Variants in LPAR1 observed in about 807,000 individuals in gnomAD.
The protein encoded by LPAR1 is LPA receptor 1.
LPAR1 carries 5 observed loss-of-function variants against 23.8 expected under a neutral mutation model. That is an observed-to-expected ratio of 0.21 (90% CI 0.11 to 0.44). The LOEUF is 0.44. LPAR1 is among the 20% of genes least tolerant of loss of function. LPAR1 has a pLI of 0.99. For synonymous variants in LPAR1, 160 were observed against 164.7 expected, an observed-to-expected ratio of 0.97 and a Z score of 0.22; for missense variants, 311 against 482.8, an observed-to-expected ratio of 0.64 and a Z score of 3.33.
intron 5 of LPAR1, among the ~76,000 whole-genome samples, chr9:110,903,904 A>AAAAT (rs2090281071): frequency 6.8e-6 from 1 of 146,086 alleles, no homozygotes; most frequent in African/African-American, 2.6e-5. Flanking sequence ...AAAAAAAAAA[A>AAAAT]GTCTTGAAAG....
In LPAR1 at chr9:110,998,590, C is replaced by T. The variant is rs140664945; in HGVS notation, c.-181-25032G>A. ...CATGTTAAGTTTGAGAACTTCATCC[C>T]GGCAAGCGTCTACAACAATAAGGGA... On this transcript the variant is annotated intron_variant, in intron 2 of 5. Coordinates refer to ENST00000683809, the MANE Select transcript of LPAR1 (RefSeq NM_001351411.2). 4.0e-3 allele frequency among the ~76,000 whole-genome samples: 609 copies of T among 152,254 alleles called. 6 individuals carry two copies. Among genetic ancestry groups the T allele is most frequent in the African/African-American group, 0.014 (567 of 41,560 alleles).
rs553149501 is a variant in LPAR1 at position 110,986,583 on chromosome 9, C to CT, written c.-181-13026dup. Among the ~76,000 whole-genome samples the CT allele has an allele frequency of 2.4e-4, 35 of 148,214 alleles. No individual in the cohort carries two copies. The South Asian group carries it at 7.5e-3, about 32-fold the overall frequency. ...ACAAAAATTTAAAAAGTTAACTATT[C>CT]TAAAAAAAAAAAGTAATTCCCAAAT... On this transcript the variant is annotated intron_variant, in intron 2 of 5. Coordinates refer to ENST00000683809, the MANE Select transcript of LPAR1 (RefSeq NM_001351411.2).
chr9:110,971,172 A>T (rs1285212505), intron 4 of LPAR1, among the ~76,000 whole-genome samples: 1 of 152,138 alleles, frequency 6.6e-6, no homozygotes, highest in Non-Finnish European at 1.5e-5. Flanking sequence ...TGGCCAAAAA[A>T]TGATTGTCAC....
At chr9:110,893,538 A>T (rs551940265) in intron 5 of LPAR1, among the ~76,000 whole-genome samples, 4 of 152,334 alleles carry the variant, frequency 2.6e-5, no homozygotes, top group Non-Finnish European at 5.9e-5. Flanking sequence ...CATTACAAAA[A>T]ATGTCTAGAA....
chr9:111,007,701 T>A (rs1372545249), intron 2 of LPAR1, among the ~76,000 whole-genome samples: 4 of 152,192 alleles, frequency 2.6e-5, no homozygotes, highest in African/African-American at 9.7e-5. Flanking sequence ...CCCTGAAGGA[T>A]GATTTTGGCA....
At chr9:110,911,404 A>C (rs1415423031) in intron 5 of LPAR1, among the ~76,000 whole-genome samples, 2 of 152,138 alleles carry the variant, frequency 1.3e-5, no homozygotes, top group Non-Finnish European at 2.9e-5. Flanking sequence ...AAAGCCAGGC[A>C]TGGTGGTTCA....
At chr9:110,918,435 G>T (rs2093367823) in intron 5 of LPAR1, among the ~76,000 whole-genome samples, 1 of 152,170 alleles carries the variant, frequency 6.6e-6, no homozygotes, top group Non-Finnish European at 1.5e-5. Context: ...AGGCCATTCT[G>T]CAGACACTCA....
intron 2 of LPAR1, among the ~76,000 whole-genome samples, chr9:111,004,815 A>C (rs2097185341): frequency 6.6e-6 from 1 of 152,200 alleles, no homozygotes; most frequent in Non-Finnish European, 1.5e-5. Flanking sequence ...GGTGATACTT[A>C]ATTATGCATC....
At chr9:110,971,003 C>T (rs1401465964) in intron 4 of LPAR1, among the ~76,000 whole-genome samples, 4 of 151,998 alleles carry the variant, frequency 2.6e-5, no homozygotes, top group African/African-American at 7.2e-5. Flanking sequence ...GGCGTGGTGG[C>T]GGGCGCCTGT....
chr9:111,033,767 G>A (rs758947161), intron 2 of LPAR1, among the ~76,000 whole-genome samples: 1 of 152,116 alleles, frequency 6.6e-6, no homozygotes, highest in African/African-American at 2.4e-5. Flanking sequence ...TAGCCAGGCT[G>A]GTCTCAAACT....
At chr9:110,891,969 A>G (rs2084314289) in intron 5 of LPAR1, among the ~76,000 whole-genome samples, 2 of 152,220 alleles carry the variant, frequency 1.3e-5, no homozygotes, top group South Asian at 4.1e-4. Flanking sequence ...ATTATTTGGA[A>G]AACAGTTTGG....
chr9:110,876,530 A>T (rs1164321938), intron 5 of LPAR1, among the ~76,000 whole-genome samples: 1 of 152,232 alleles, frequency 6.6e-6, no homozygotes, highest in East Asian at 1.9e-4. Context: ...AGGAACTGAG[A>T]CCCAGAAAGT....
intron 4 of LPAR1, among the ~76,000 whole-genome samples, chr9:110,946,349 T>C (rs1245123822): frequency 6.6e-6 from 1 of 152,072 alleles, no homozygotes; most frequent in African/African-American, 2.4e-5. Flanking sequence ...TTTATGTAGA[T>C]TACAAAACAA....
chr9:111,035,272 T>C (rs529328005), intron 2 of LPAR1, among the ~76,000 whole-genome samples: 11 of 152,218 alleles, frequency 7.2e-5, no homozygotes, highest in African/African-American at 2.6e-4. Context: ...ACCCAGGCTG[T>C]AGTGCAATGG....
At chr9:111,038,566 CT>C, upstream of LPAR1, 1 of 450,200 alleles carries the variant, frequency 2.2e-6, no homozygotes, top group South Asian at 1.6e-5. The surrounding 1 kb of genome is among the most constrained non-coding windows in gnomAD (Gnocchi z 4.4). Flanking sequence ...CGCCTTCCTT[CT>C]TTTCTGCTTG....
chr9:110,914,645 G>C (rs1240491022), intron 5 of LPAR1, among the ~76,000 whole-genome samples: 4 of 152,160 alleles, frequency 2.6e-5, no homozygotes, highest in Non-Finnish European at 5.9e-5. Flanking sequence ...ATAATTCTTG[G>C]TTTCCTTCTT....
chr9:110,889,649 T>G (rs769868750), intron 5 of LPAR1, among the ~76,000 whole-genome samples: 6 of 152,230 alleles, frequency 3.9e-5, no homozygotes, highest in Non-Finnish European at 7.3e-5. Context: ...TAATTGAGTT[T>G]ACAACTGTTA....
At chr9:110,919,458 T>G (rs1377250148) in intron 5 of LPAR1, among the ~76,000 whole-genome samples, 2 of 152,176 alleles carry the variant, frequency 1.3e-5, no homozygotes, top group Non-Finnish European at 1.5e-5. Flanking sequence ...CCTGGACTTT[T>G]AACCTACAGA....
intron 5 of LPAR1, among the ~76,000 whole-genome samples, chr9:110,909,897 G>T (rs1256042408): frequency 6.6e-6 from 1 of 151,830 alleles, no homozygotes; most frequent in Non-Finnish European, 1.5e-5. Context: ...ACAGGTGCCT[G>T]CCACCATGCT....
Sources: gnomAD v4.1 joint callset for allele counts (sites outside exome capture counted in the v4.1 genomes callset) on GRCh38, gnomAD v4.1.1 for gene constraint, Gnocchi (gnomAD v3.1) non-coding constraint, MANE v1.5 for transcripts, NCBI Gene and HGNC (gene_info 2026-07-23, HGNC 2026-07-21) for gene names.